MEAF6: variants seen among roughly 807,000 people sequenced by gnomAD.
MEAF6 encodes the protein MYST/Esa1 associated factor 6, also known as chromatin modification-related protein MEAF6.
In MEAF6, 15 loss-of-function variants were observed where a neutral mutation model predicts 28.9. The ratio of observed to expected loss-of-function variants is 0.52; its 90% CI spans 0.35 to 0.80. The LOEUF (loss-of-function observed/expected upper bound fraction) is 0.80, where lower values mean the gene tolerates loss of function less well. Among genes scored for constraint, MEAF6 ranks in the 30% least tolerant of loss-of-function variants. The pLI is 0.01. For synonymous variants in MEAF6, 97 were observed against 88.7 expected, an observed-to-expected ratio of 1.09 and a Z score of -0.53; for missense variants, 178 against 237.5, an observed-to-expected ratio of 0.75 and a Z score of 1.65.
chr1:37,507,336 A>C (rs1569981062), intron 4 of MEAF6, among the ~76,000 whole-genome samples: 1 of 151,044 alleles, frequency 6.6e-6, no homozygotes, highest in East Asian at 1.9e-4. Context: ...AAAAAAAAAG[A>C]AAGAAAACTA....
At chr1:37,494,573 A>T (rs1277022388) in intron 6 of MEAF6, among the ~76,000 whole-genome samples, 1 of 150,442 alleles carries the variant, frequency 6.6e-6, no homozygotes, top group African/African-American at 2.4e-5. Context: ...GCTCAGGCCT[A>T]TAATCCCAGC....
At position 37,493,718 on chromosome 1, in the gene MEAF6, G is replaced by C. The variant is rs1277113629; in HGVS notation, c.*381C>G. The stretch of plus-strand genomic sequence containing the variant: ...ACAGCCTCCATCTGAAATGTGACTT[G>C]TGTTCTACTTTCAGCATAAAACAAA... On this transcript the variant is annotated 3_prime_UTR_variant, in exon 7 of 7. Transcript: ENST00000296214. 11 of 1,357,620 alleles carry C rather than the reference G, an allele frequency of 8.1e-6. No individual in the cohort carries two copies. The highest frequency in any genetic ancestry group is 1.0e-5 in the Non-Finnish European group (10 of 973,776). The allele number at this position is 1,357,620 out of a possible 1,614,324, so 84.1% of individuals were successfully genotyped here.
At position 37,513,413 on chromosome 1, in the gene MEAF6, C is replaced by G; in HGVS notation, c.206+10G>C. 6.2e-7 allele frequency: 1 copy of G among 1,605,812 alleles called. No homozygotes were observed. Among genetic ancestry groups the G allele is most frequent in the African/African-American group, 1.3e-5 (1 of 74,850 alleles). ...GCACAATAGGAACACTACAGGCTTTCGACACTCACTTTTGGTTGGTCAGAT... is the reference window on the plus strand; with the variant it reads ...GCACAATAGGAACACTACAGGCTTTGGACACTCACTTTTGGTTGGTCAGAT... On this transcript the variant is annotated intron_variant, in intron 2 of 6. Transcript: ENST00000296214.
chr1:37,500,009 C>T (rs911735970), intron 5 of MEAF6, among the ~76,000 whole-genome samples: 1 of 152,180 alleles, frequency 6.6e-6, no homozygotes, highest in African/African-American at 2.4e-5. Context: ...ATAATCACTA[C>T]TTTAAAATGA....
chr1:37,508,364 A>G (rs1019930730), intron 4 of MEAF6, among the ~76,000 whole-genome samples: 1 of 135,208 alleles, frequency 7.4e-6, no homozygotes, highest in African/African-American at 2.9e-5. Flanking sequence ...TTGCAGCCTC[A>G]ACTTCCTGGG....
chr1:37,495,986 T>A (rs1642120459), intron 5 of MEAF6, 68 bp from the exon 6 acceptor site: 1 of 1,257,462 alleles, frequency 8.0e-7, no homozygotes, highest in Admixed American at 1.7e-5. Context: ...AATCAGCTAC[T>A]GCATAGGGCA....
At position 37,493,766 on chromosome 1, in the gene MEAF6, G is replaced by T. The variant is rs1393409025; in HGVS notation, c.*333C>A. The T allele has an allele frequency of 9.0e-6, 14 of 1,548,674 alleles. No individual in the cohort carries two copies. The highest frequency in any genetic ancestry group is 8.3e-5 in the South Asian group (7 of 83,996). ...AAAACCAGAGAACATTTCTTGAAGGGTATCACAGATGAAGCTGGTGCCAGC... is the reference window on the plus strand; with the variant it reads ...AAAACCAGAGAACATTTCTTGAAGGTTATCACAGATGAAGCTGGTGCCAGC... On this transcript the variant is annotated 3_prime_UTR_variant, in exon 7 of 7. Transcript: ENST00000296214.
intron 5 of MEAF6, 140 bp downstream of exon 5, chr1:37,501,664 C>T: frequency 1.3e-6 from 1 of 790,342 alleles, no homozygotes; most frequent in South Asian, 3.1e-5. Context: ...AGCAAATTAG[C>T]CCGTTCACTT....
At position 37,494,097 on chromosome 1, in the gene MEAF6, T is replaced by C. The variant is rs2148058252; in HGVS notation, c.*2A>G. ...CTGGAAGCTTCTGCACTAATGTGTC[T>C]TCTAATAGTCCTAAAGAAAGAAAAA... On this transcript the variant is annotated 3_prime_UTR_variant, in exon 7 of 7. Transcript: ENST00000296214. 1.9e-6 allele frequency: 3 copies of C among 1,613,314 alleles called. No individual in the cohort carries two copies. Among genetic ancestry groups the C allele is most frequent in the East Asian group, 2.2e-5 (1 of 44,888 alleles).
In MEAF6 at chr1:37,514,588, G is replaced by A. The variant is rs1569996524; in HGVS notation, c.90+69C>T. On this transcript the variant is annotated intron_variant, in intron 1 of 6. Transcript: ENST00000296214. ...GAGTAACAAACGGCCTAGCGCGGCC[G>A]GGCTTGGGGCCTGGAGGCGGGGCGG... 1.3e-5 allele frequency: 17 copies of A among 1,269,560 alleles called. No individual in the cohort carries two copies. The East Asian group carries it at 4.3e-4, about 32-fold the overall frequency. 78.6% of individuals were successfully genotyped at this position (1,269,560 alleles called of 1,614,324 possible). A position where few individuals can be genotyped will look rare whatever the true frequency, so the allele number is the denominator to read the frequency against.
chr1:37,491,706 A>G lies in MEAF6; in HGVS notation c.*2393T>C, dbSNP rs551043797. On this transcript the variant is annotated 3_prime_UTR_variant, in exon 7 of 7. Coordinates refer to ENST00000296214, the MANE Select transcript of MEAF6 (RefSeq NM_001270875.3). ...AGAGCAAGATCCTGTCAATAAATAA[A>G]TAAATAAATAAATAAATAAATAAAA... Among the ~76,000 whole-genome samples, 45 of 150,226 alleles carry G rather than the reference A, an allele frequency of 3.0e-4. No homozygotes were observed. The highest frequency in any genetic ancestry group is 1.1e-3 in the African/African-American group (45 of 41,162).
intron 6 of MEAF6, among the ~76,000 whole-genome samples, chr1:37,494,857 G>T (rs1184978593): frequency 1.3e-5 from 2 of 151,616 alleles, no homozygotes; most frequent in Non-Finnish European, 2.9e-5. Context: ...TTTAAAAAAA[G>T]ATTCTATTCC....
At chr1:37,512,242 T>C (rs1642694193) in intron 2 of MEAF6, among the ~76,000 whole-genome samples, 1 of 152,232 alleles carries the variant, frequency 6.6e-6, no homozygotes. Flanking sequence ...GTCAATTTTC[T>C]GGCTTTGATA....
chr1:37,495,699 AAAAACAAAAAAAAAAAAAAAC>A lies in MEAF6; in HGVS notation c.567+165_567+185del, dbSNP rs1557603885. On this transcript the variant is annotated intron_variant, in intron 6 of 6. Transcript: ENST00000296214. ...AACTGTCTCTCAAAAAAAAAAAACA[AAAAACAAAAAAAAAAAAAAAC>A]AAAAAAACCACCTAAAAGTTGAAGT... 8.2e-3 allele frequency among the ~76,000 whole-genome samples: 974 copies of A among 118,190 alleles called. 6 individuals are homozygous for A. The highest frequency in any genetic ancestry group is 0.028 in the African/African-American group (943 of 33,796). The allele number at this position is 118,190 out of a possible 152,430, so 77.5% of individuals were successfully genotyped here. A position where few individuals can be genotyped will look rare whatever the true frequency, so the allele number is the denominator to read the frequency against.
chr1:37,502,024 A>G, intron 4 of MEAF6, 28 bp from the exon 5 acceptor site: 1 of 1,575,974 alleles, frequency 6.3e-7, no homozygotes, highest in Non-Finnish European at 8.7e-7. Context: ...CAAGTTTCCA[A>G]ATGCATCATC....
chr1:37,510,077 A>ATTT (rs958473140), intron 2 of MEAF6, among the ~76,000 whole-genome samples: 5 of 133,370 alleles, frequency 3.7e-5, no homozygotes, highest in African/African-American at 5.5e-5. Context: ...GCGCCCAGAC[A>ATTT]TTTTTTTTTT....
chr1:37,501,683 T>A, intron 5 of MEAF6, 121 bp downstream of exon 5: 1 of 1,013,392 alleles, frequency 9.9e-7, no homozygotes, highest in East Asian at 2.6e-5. Context: ...TTGGACCTAA[T>A]GACTTTCTTG....
At position 37,493,631 on chromosome 1, in the gene MEAF6, G is replaced by A; in HGVS notation, c.*468C>T. On this transcript the variant is annotated 3_prime_UTR_variant, in exon 7 of 7. Coordinates refer to ENST00000296214, the MANE Select transcript of MEAF6 (RefSeq NM_001270875.3). Reference sequence around the variant, plus strand: ...TACAAAAAAACCCCAAAGAAAATAAGATAAAAACAACAAGAGAAAAACAAG... The same window carrying A: ...TACAAAAAAACCCCAAAGAAAATAAAATAAAAACAACAAGAGAAAAACAAG... 2.5e-6 allele frequency: 2 copies of A among 791,920 alleles called. No homozygotes were observed. Among genetic ancestry groups the A allele is most frequent in the Non-Finnish European group, 2.1e-6 (1 of 483,026 alleles). 49.1% of individuals were successfully genotyped at this position (791,920 alleles called of 1,614,324 possible).
chr1:37,496,522 C>A, intron 5 of MEAF6: 1 of 1,279,152 alleles, frequency 7.8e-7, no homozygotes, highest in Non-Finnish European at 1.0e-6. Context: ...CTTAATTTTG[C>A]TTAAGTTATT....
Sources: allele counts gnomAD v4.1 joint callset (sites outside exome capture counted in the v4.1 genomes callset), GRCh38; gene constraint gnomAD v4.1.1; transcripts MANE v1.5; gene names NCBI Gene and HGNC (gene_info 2026-07-23, HGNC 2026-07-21).